Variants in ROBO2 observed in about 807,000 individuals in gnomAD.
The protein encoded by ROBO2 is roundabout guidance receptor 2.
A neutral mutation model predicts 160.8 loss-of-function variants in ROBO2; 53 were observed. The ratio of observed to expected loss-of-function variants is 0.33; its 90% CI spans 0.26 to 0.41. ROBO2 has a LOEUF of 0.41. Ranked by LOEUF, ROBO2 falls within the 10% of genes least tolerant of loss-of-function variation. ROBO2 has a pLI of 1.00. For missense variants in ROBO2, 1,577 were observed against 1,722.4 expected (o/e 0.92, Z 1.49); for synonymous variants, 664 against 611.7 (o/e 1.09, Z -1.26).
intron 2 of ROBO2, among the ~76,000 whole-genome samples, chr3:76,156,978 A>G (rs1024257575): frequency 1.3e-5 from 2 of 152,230 alleles, no homozygotes; most frequent in Admixed American, 1.3e-4. Flanking sequence ...GTCTCAAAAA[A>G]TAAAAATAAA....
chr3:76,287,820 C>T (rs562421797), intron 2 of ROBO2, among the ~76,000 whole-genome samples: 1 of 152,194 alleles, frequency 6.6e-6, no homozygotes, highest in Non-Finnish European at 1.5e-5. Context: ...CATATCTGCA[C>T]TTAGAAAACT....
At chr3:77,078,885 T>A (rs2068308564) in intron 1 of ROBO2, among the ~76,000 whole-genome samples, 1 of 152,190 alleles carries the variant, frequency 6.6e-6, no homozygotes, top group South Asian at 2.1e-4. Flanking sequence ...GCCACTTGTC[T>A]TTCATATCTT....
exon 2 of ROBO2, chr3:77,098,040 C>A: frequency 6.3e-7 from 1 of 1,580,398 alleles, no homozygotes; most frequent in Non-Finnish European, 8.6e-7. Flanking sequence ...GGAGGACTTT[C>A]CCCCGCGGAT....
intron 2 of ROBO2, among the ~76,000 whole-genome samples, chr3:76,081,206 A>T (rs2068816998): frequency 6.6e-6 from 1 of 151,988 alleles, no homozygotes. Context: ...CTACATTTTT[A>T]AGCAGGCATT....
At chr3:76,213,639 G>C (rs1233703252) in intron 2 of ROBO2, among the ~76,000 whole-genome samples, 1 of 151,980 alleles carries the variant, frequency 6.6e-6, no homozygotes, top group Non-Finnish European at 1.5e-5. Flanking sequence ...CAAATATCTT[G>C]CATTTATCAA....
Position 76,784,182 on chromosome 3 carries a change from C to T in ROBO2, c.110-313832C>T, listed in dbSNP as rs562969595. ...TATATTACCTTGATGATTCATGTTC[C>T]TTGAATCCTTGCATTACTTTCTTCA... On this transcript the variant is annotated intron_variant, in intron 2 of 26. Coordinates refer to the ROBO2 transcript ENST00000487694. Among the ~76,000 whole-genome samples, 3 of 151,140 alleles carry T rather than the reference C, an allele frequency of 2.0e-5. No homozygotes were observed. In the East Asian group the frequency reaches 5.9e-4, roughly 30 times the overall value.
intron 2 of ROBO2, among the ~76,000 whole-genome samples, chr3:76,650,730 A>G (rs139195636): frequency 4.6e-5 from 7 of 152,246 alleles, no homozygotes; most frequent in Admixed American, 4.6e-4. Flanking sequence ...GTCTAAGCAG[A>G]ATTCTGGAAT....
At chr3:76,146,901 C>CAT (rs1446498630) in intron 2 of ROBO2, among the ~76,000 whole-genome samples, 2 of 149,904 alleles carry the variant, frequency 1.3e-5, no homozygotes, top group Admixed American at 6.7e-5. Context: ...CACACACACA[C>CAT]ATACACACAC....
At chr3:76,049,403 A>ATATATATATATATATTTTTTTTTTTT (rs1414664360) in intron 2 of ROBO2, among the ~76,000 whole-genome samples, 2 of 53,750 alleles carry the variant, frequency 3.7e-5, no homozygotes, top group African/African-American at 2.9e-4. Context: ...ATATATATAT[A>ATATATATATATATATTTTTTTTTTTT]TTTTTTTTTT....
At chr3:76,171,669 G>C (rs925429796) in intron 2 of ROBO2, among the ~76,000 whole-genome samples, 1 of 151,794 alleles carries the variant, frequency 6.6e-6, no homozygotes, top group Non-Finnish European at 1.5e-5. Context: ...GTGCACATGC[G>C]TAAGACCCAA....
chr3:77,166,659 C>G (rs910502357), intron 2 of ROBO2, among the ~76,000 whole-genome samples: 1 of 152,090 alleles, frequency 6.6e-6, no homozygotes, highest in South Asian at 2.1e-4. Context: ...CCCGGGTTCC[C>G]GCCATTCTCC....
intron 2 of ROBO2, among the ~76,000 whole-genome samples, chr3:75,974,223 C>T (rs2065075024): frequency 6.6e-6 from 1 of 151,468 alleles, no homozygotes; most frequent in African/African-American, 2.4e-5. Flanking sequence ...AACATTTAAA[C>T]ACAAGAAAGA....
At chr3:77,533,073 G>A (rs1054591564) in intron 6 of ROBO2, among the ~76,000 whole-genome samples, 2 of 152,132 alleles carry the variant, frequency 1.3e-5, no homozygotes, top group African/African-American at 4.8e-5. Context: ...GAAGACTAGA[G>A]TTTGCATATT....
chr3:76,840,336 G>A (rs961073932), intron 2 of ROBO2, among the ~76,000 whole-genome samples: 15 of 151,694 alleles, frequency 9.9e-5, no homozygotes, highest in Admixed American at 1.3e-4. Flanking sequence ...GTGGCTGGGC[G>A]CGGTAGCTCA....
chr3:77,163,964 T>C (rs1043288539), intron 2 of ROBO2, among the ~76,000 whole-genome samples: 1 of 152,246 alleles, frequency 6.6e-6, no homozygotes, highest in Non-Finnish European at 1.5e-5. Context: ...GTTGTAATTA[T>C]GTTTGAATCA....
At chr3:76,004,042 A>G (rs1218770030) in intron 2 of ROBO2, among the ~76,000 whole-genome samples, 5 of 152,174 alleles carry the variant, frequency 3.3e-5, no homozygotes, top group African/African-American at 9.7e-5. Context: ...TCAACTATCA[A>G]TTCCTGGATG....
At chr3:76,306,086 CT>C (rs1439062344) in intron 2 of ROBO2, among the ~76,000 whole-genome samples, 2 of 152,118 alleles carry the variant, frequency 1.3e-5, no homozygotes. Flanking sequence ...TGTCAAATGT[CT>C]TTTTGAGGTT....
chr3:76,744,526 AT>A lies in ROBO2; in HGVS notation c.110-353481del, dbSNP rs200577072. ...AGGCATGCACTACCATGACCGGCTA[AT>A]TTTTTTCAATTTTTAGTAGCAATGA... On this transcript the variant is annotated intron_variant, in intron 2 of 26. Transcript: ENST00000487694. Among the ~76,000 whole-genome samples the A allele has an allele frequency of 7.0e-3, 1,060 of 151,980 alleles. 9 individuals are homozygous for A. Among genetic ancestry groups the A allele is most frequent in the African/African-American group, 0.024 (983 of 41,464 alleles).
At chr3:77,334,642 G>A (rs552201211) in intron 2 of ROBO2, among the ~76,000 whole-genome samples, 4 of 152,278 alleles carry the variant, frequency 2.6e-5, no homozygotes, top group Non-Finnish European at 4.4e-5. Context: ...CCTGGCAGGA[G>A]CAGAGGCAAT....
Sources: gnomAD v4.1 joint callset for allele counts (sites outside exome capture counted in the v4.1 genomes callset) on GRCh38, gnomAD v4.1.1 for gene constraint, MANE v1.5 for transcripts, NCBI Gene and HGNC (gene_info 2026-07-23, HGNC 2026-07-21) for gene names.